SPSB1: variants seen among roughly 807,000 people sequenced by gnomAD.
SPSB1 encodes the protein SPRY domain-containing SOCS box protein 1.
In SPSB1, 8 loss-of-function variants were observed where a neutral mutation model predicts 21.2. That is an observed-to-expected ratio of 0.38 (90% CI 0.22 to 0.68). SPSB1 has a LOEUF of 0.68. SPSB1 is among the 30% of genes least tolerant of loss of function. SPSB1 has a pLI of 0.53. For synonymous variants in SPSB1, 169 were observed against 161.7 expected (o/e 1.05, Z -0.34); for missense variants, 242 against 377.8 (o/e 0.64, Z 2.98).
intron 1 of SPSB1, among the ~76,000 whole-genome samples, chr1:9,318,784 C>G (rs1175188863): frequency 6.6e-6 from 1 of 152,184 alleles, no homozygotes; most frequent in Non-Finnish European, 1.5e-5. Flanking sequence ...GGACAGGGTC[C>G]CTGTCTCCAA....
chr1:9,296,850 G>GA (rs764937181), intron 1 of SPSB1, among the ~76,000 whole-genome samples: 4 of 152,218 alleles, frequency 2.6e-5, no homozygotes, highest in Non-Finnish European at 4.4e-5. Context: ...CACATTGGGG[G>GA]ATCTGTCCTG....
At chr1:9,353,346 C>T (rs1245323160) in intron 1 of SPSB1, among the ~76,000 whole-genome samples, 1 of 152,112 alleles carries the variant, frequency 6.6e-6, no homozygotes, top group Non-Finnish European at 1.5e-5. Flanking sequence ...CAGCTTGAGG[C>T]GCAGGCCCCA....
At chr1:9,361,823 G>A (rs141328316) in intron 2 of SPSB1, among the ~76,000 whole-genome samples, 26 of 152,314 alleles carry the variant, frequency 1.7e-4, no homozygotes, top group South Asian at 1.2e-3. Flanking sequence ...GCCTGACCCC[G>A]GGCCTGCCCG....
chr1:9,346,443 A>G lies in SPSB1; in HGVS notation c.-149-9300A>G, dbSNP rs1488961259. ...CTGCCCTTTCTGTCTGTCTGTCCCC[A>G]GTCGCTTTGGCTACATCCCCAAAAG... On this transcript the variant is annotated intron_variant, in intron 1 of 2. Transcript: ENST00000328089. This position sits in a 1 kb window ranked among gnomAD's most constrained non-coding sequence, Gnocchi z 4.4. 2.6e-5 allele frequency among the ~76,000 whole-genome samples: 4 copies of G among 152,152 alleles called. No individual in the cohort carries two copies. The highest frequency in any genetic ancestry group is 1.5e-5 in the Non-Finnish European group (1 of 68,036).
chr1:9,357,131 GAGT>G, intron 2 of SPSB1, among the ~76,000 whole-genome samples: 1 of 75,254 alleles, frequency 1.3e-5, no homozygotes, highest in Non-Finnish European at 3.1e-5. Flanking sequence ...ATGGATGGAT[GAGT>G]GGATGGATGG....
At position 9,348,653 on chromosome 1, in the gene SPSB1, C is replaced by T. The variant is rs528024406; in HGVS notation, c.-149-7090C>T. Among the ~76,000 whole-genome samples, 1 of 152,260 alleles carries T rather than the reference C, an allele frequency of 6.6e-6. No individual in the cohort carries two copies. Among genetic ancestry groups the T allele is most frequent in the South Asian group, 2.1e-4 (1 of 4,822 alleles). On this transcript the variant is annotated intron_variant, in intron 1 of 2. Coordinates refer to ENST00000328089, the MANE Select transcript of SPSB1 (RefSeq NM_025106.4). The surrounding 1 kb of genome is among the most constrained non-coding windows in gnomAD (Gnocchi z 4.8). ...AGGGATTTGCGAGGTTCTTTTCTTC[C>T]TTCCTACTAAGATCTGGGGCCCCCA... is the stretch of plus-strand genomic sequence containing the variant.
rs1639394956 is a variant in SPSB1 at position 9,305,425 on chromosome 1, A to G, written c.-150+12354A>G. On this transcript the variant is annotated intron_variant, in intron 1 of 2. Coordinates refer to ENST00000328089, the MANE Select transcript of SPSB1 (RefSeq NM_025106.4). The surrounding 1 kb of genome is among the most constrained non-coding windows in gnomAD (Gnocchi z 4.8). The stretch of plus-strand genomic sequence containing the variant: ...AGTGACCTGTGGGCTCCAGGAGGGC[A>G]GGACCCGGCCGGCCACATGGCTGTT... Among the ~76,000 whole-genome samples, 1 of 152,214 alleles carries G rather than the reference A, an allele frequency of 6.6e-6. No homozygotes were observed. Among genetic ancestry groups the G allele is most frequent in the South Asian group, 2.1e-4 (1 of 4,834 alleles).
chr1:9,296,946 T>C (rs1056329990), intron 1 of SPSB1, among the ~76,000 whole-genome samples: 7 of 152,204 alleles, frequency 4.6e-5, no homozygotes, highest in African/African-American at 1.7e-4. Flanking sequence ...TAAAAATAAA[T>C]GAGTCCAGTG....
At chr1:9,352,313 G>T (rs1474320591) in intron 1 of SPSB1, among the ~76,000 whole-genome samples, 1 of 152,172 alleles carries the variant, frequency 6.6e-6, no homozygotes, top group Non-Finnish European at 1.5e-5. Context: ...AGCCTCTGGG[G>T]ATCCCCCGCT....
At position 9,355,803 on chromosome 1, in the gene SPSB1, T is replaced by A; in HGVS notation, c.-89T>A. ...CTGGCAGCCCTCATTAGGAATTCTG[T>A]CTGGCCCCGATCAGAATACTGGAGA... is the stretch of plus-strand genomic sequence containing the variant. On this transcript the variant is annotated 5_prime_UTR_variant, in exon 2 of 3. Transcript: ENST00000328089. 6.7e-7 allele frequency: 1 copy of A among 1,500,272 alleles called. No individual in the cohort carries two copies. Among genetic ancestry groups the A allele is most frequent in the Non-Finnish European group, 8.9e-7 (1 of 1,125,410 alleles). 92.9% of individuals were successfully genotyped at this position (1,500,272 alleles called of 1,614,324 possible).
At chr1:9,361,569 T>A (rs1187443444) in intron 2 of SPSB1, among the ~76,000 whole-genome samples, 1 of 152,188 alleles carries the variant, frequency 6.6e-6, no homozygotes, top group Admixed American at 6.5e-5. Flanking sequence ...AGTCCCGGCT[T>A]CTACACTGGG....
At chr1:9,314,035 G>A (rs1184071877) in intron 1 of SPSB1, among the ~76,000 whole-genome samples, 1 of 152,076 alleles carries the variant, frequency 6.6e-6, no homozygotes, top group Non-Finnish European at 1.5e-5. Flanking sequence ...AATTAGCCAG[G>A]TGTGGCGGCG....
Position 9,325,068 on chromosome 1 carries a change from G to A in SPSB1, c.-149-30675G>A, listed in dbSNP as rs72860850. Among the ~76,000 whole-genome samples, 938 of 152,326 alleles carry A rather than the reference G, an allele frequency of 6.2e-3. 8 individuals carry two copies. The highest frequency in any genetic ancestry group is 0.021 in the African/African-American group (877 of 41,570). Reference sequence around the variant, plus strand: ...GGCAGCCGGTGTGGATGCAGTGGCTGCACTCGCTGGAAGCTGGGACTCCAG... The same window carrying A: ...GGCAGCCGGTGTGGATGCAGTGGCTACACTCGCTGGAAGCTGGGACTCCAG... On this transcript the variant is annotated intron_variant, in intron 1 of 2. Coordinates refer to ENST00000328089, the MANE Select transcript of SPSB1 (RefSeq NM_025106.4).
rs573808081 is a variant in SPSB1, at chr1:9,321,782, G to C, written c.-150+28711G>C. On this transcript the variant is annotated intron_variant, in intron 1 of 2. Transcript: ENST00000328089. This position sits in a 1 kb window ranked among gnomAD's most constrained non-coding sequence, Gnocchi z 4.8. ...TCGGTGGAGGAGGAGGACTCTGAGA[G>C]GCTGGGAGACTGGCCAGGGGCACCG... Among the ~76,000 whole-genome samples, 1 of 152,326 alleles carries C rather than the reference G, an allele frequency of 6.6e-6. No individual in the cohort carries two copies. The highest frequency in any genetic ancestry group is 1.9e-4 in the East Asian group (1 of 5,186).
At chr1:9,319,206 C>T (rs1294047) in intron 1 of SPSB1, among the ~76,000 whole-genome samples, 94,202 of 151,806 alleles carry the variant, frequency 0.62, 30,060 homozygotes, top group Middle Eastern at 0.73. Flanking sequence ...ACAGTAACAA[C>T]AACAAAAGAG....
At position 9,321,600 on chromosome 1, in the gene SPSB1, C is replaced by T. The variant is rs531424899; in HGVS notation, c.-150+28529C>T. On this transcript the variant is annotated intron_variant, in intron 1 of 2. Coordinates refer to ENST00000328089, the MANE Select transcript of SPSB1 (RefSeq NM_025106.4). The surrounding 1 kb of genome is among the most constrained non-coding windows in gnomAD (Gnocchi z 4.8). ...GAGGGAGACCGATGCATAGGCAGCTCGCTAATGCTGTGTTTCATCACATCT... is the reference window on the plus strand; with the variant it reads ...GAGGGAGACCGATGCATAGGCAGCTTGCTAATGCTGTGTTTCATCACATCT... Among the ~76,000 whole-genome samples, 5 of 152,102 alleles carry T rather than the reference C, an allele frequency of 3.3e-5. No homozygotes were observed. Among genetic ancestry groups the T allele is most frequent in the African/African-American group, 9.6e-5 (4 of 41,480 alleles).
In SPSB1 at chr1:9,345,773, T is replaced by C. The variant is rs1640159189; in HGVS notation, c.-149-9970T>C. On this transcript the variant is annotated intron_variant, in intron 1 of 2. Coordinates refer to ENST00000328089, the MANE Select transcript of SPSB1 (RefSeq NM_025106.4). This position sits in a 1 kb window ranked among gnomAD's most constrained non-coding sequence, Gnocchi z 4.8. ...GACTAGAGCTCTGGACCGTGTGGGA[T>C]TTTCTCTCCAAAATCACTTGTCAGA... 6.6e-6 allele frequency among the ~76,000 whole-genome samples: 1 copy of C among 152,134 alleles called. No individual in the cohort carries two copies. Among genetic ancestry groups the C allele is most frequent in the African/African-American group, 2.4e-5 (1 of 41,410 alleles).
intron 2 of SPSB1, among the ~76,000 whole-genome samples, chr1:9,362,126 C>G (rs1446009688): frequency 6.6e-6 from 1 of 152,226 alleles, no homozygotes; most frequent in East Asian, 1.9e-4. Flanking sequence ...TCCAGCTGGA[C>G]TCTGCCGGGA....
chr1:9,355,377 C>T (rs1640345391), intron 1 of SPSB1, among the ~76,000 whole-genome samples: 1 of 152,246 alleles, frequency 6.6e-6, no homozygotes, highest in Admixed American at 6.5e-5. Flanking sequence ...AGCAAATGCC[C>T]ACTGTCATGG....
Sources: gnomAD v4.1 joint callset for allele counts (sites outside exome capture counted in the v4.1 genomes callset) on GRCh38, gnomAD v4.1.1 for gene constraint, Gnocchi (gnomAD v3.1) non-coding constraint, MANE v1.5 for transcripts, NCBI Gene and HGNC (gene_info 2026-07-23, HGNC 2026-07-21) for gene names.